Variants in MRTFA observed in about 807,000 individuals in gnomAD.
The protein encoded by MRTFA is myocardin related transcription factor A.
A neutral mutation model predicts 83.5 loss-of-function variants in MRTFA; 20 were observed. The ratio of observed to expected loss-of-function variants is 0.24; its 90% CI spans 0.17 to 0.35. The LOEUF (loss-of-function observed/expected upper bound fraction) is 0.35. MRTFA is among the 10% of genes least tolerant of loss of function. The pLI is 1.00. For synonymous variants in MRTFA, 659 were observed against 541.2 expected, an observed-to-expected ratio of 1.22 and a Z score of -3.02; for missense variants, 1,200 against 1,224.7, an observed-to-expected ratio of 0.98 and a Z score of 0.30.
chr22:40,494,067 A>T (rs1005690851), intron 3 of MRTFA, among the ~76,000 whole-genome samples: 1 of 152,102 alleles, frequency 6.6e-6, no homozygotes, highest in African/African-American at 2.4e-5. Flanking sequence ...AAGATCTTAG[A>T]TTTCTGTGTG....
In MRTFA at chr22:40,416,999, G is replaced by A. The variant is rs1183543996; in HGVS notation, c.2565C>T (p.Leu855=). Residue 855 remains leucine (L), a synonymous_variant, in exon 14 of 15, where the codon CTC becomes CTT. Transcript: ENST00000355630. This position sits in a 1 kb window ranked among gnomAD's most constrained non-coding sequence, Gnocchi z 4.2. The stretch of plus-strand genomic sequence containing the variant: ...ACCTGGGGTTACCTCCGCTCTGAAT[G>A]AGAATGTCAAACAGGTCGTCCATCT... 2.3e-5 allele frequency: 36 copies of A among 1,598,436 alleles called. No homozygotes were observed. Among genetic ancestry groups the A allele is most frequent in the Non-Finnish European group, 3.0e-5 (35 of 1,172,682 alleles).
chr22:40,420,816 CA>C (rs1481879191), intron 10 of MRTFA, 30 bp downstream of exon 10: 36 of 1,610,498 alleles, frequency 2.2e-5, no homozygotes, highest in Non-Finnish European at 2.8e-5. Flanking sequence ...TCGGGGAGGG[CA>C]GGGGCAGGCA....
At chr22:40,633,419 C>G (rs776841942) in intron 1 of MRTFA, among the ~76,000 whole-genome samples, 2 of 152,186 alleles carry the variant, frequency 1.3e-5, no homozygotes, top group Non-Finnish European at 2.9e-5. Context: ...ATACAACGAT[C>G]TTTGTTAATA....
At chr22:40,508,604 T>C (rs2054618777) in intron 3 of MRTFA, among the ~76,000 whole-genome samples, 2 of 152,048 alleles carry the variant, frequency 1.3e-5, no homozygotes, top group African/African-American at 2.4e-5. Context: ...ACTGAAATCT[T>C]TGGCCTCACA....
intron 4 of MRTFA, among the ~76,000 whole-genome samples, chr22:40,452,721 G>A (rs1290421663): frequency 1.3e-5 from 2 of 148,972 alleles, no homozygotes; most frequent in African/African-American, 5.0e-5. Flanking sequence ...CGAGGCAATT[G>A]CTTGAACCCA....
chr22:40,510,609 C>A (rs1262456575), intron 3 of MRTFA, among the ~76,000 whole-genome samples: 1 of 152,044 alleles, frequency 6.6e-6, no homozygotes, highest in Non-Finnish European at 1.5e-5. Context: ...TTATTATGTA[C>A]CTGCTATGTG....
intron 2 of MRTFA, among the ~76,000 whole-genome samples, chr22:40,555,270 T>G (rs2055503379): frequency 6.6e-6 from 1 of 152,216 alleles, no homozygotes; most frequent in Non-Finnish European, 1.5e-5. Context: ...ACTCTGATAT[T>G]TGTCCCACCC....
At chr22:40,520,655 C>T (rs2054850026) in intron 3 of MRTFA, among the ~76,000 whole-genome samples, 1 of 152,186 alleles carries the variant, frequency 6.6e-6, no homozygotes, top group Non-Finnish European at 1.5e-5. Flanking sequence ...GATCCACCTG[C>T]CTTGGCCTCC....
At chr22:40,592,055 C>T (rs1218834769) in intron 2 of MRTFA, among the ~76,000 whole-genome samples, 1 of 152,074 alleles carries the variant, frequency 6.6e-6, no homozygotes, top group Non-Finnish European at 1.5e-5. Flanking sequence ...GACTGAAAGA[C>T]ATAGAGATGG....
intron 3 of MRTFA, among the ~76,000 whole-genome samples, chr22:40,495,130 T>C (rs1413414977): frequency 3.3e-5 from 5 of 151,902 alleles, no homozygotes; most frequent in Admixed American, 1.3e-4. Flanking sequence ...TCCCAGCACT[T>C]TGGGAGGCTG....
intron 4 of MRTFA, among the ~76,000 whole-genome samples, chr22:40,450,403 T>C (rs2053465317): frequency 6.6e-6 from 1 of 152,150 alleles, no homozygotes; most frequent in South Asian, 2.1e-4. Context: ...TCTCACCAAC[T>C]ATGGATCCTG....
intron 1 of MRTFA, among the ~76,000 whole-genome samples, chr22:40,611,073 G>T (rs1013763531): frequency 1.3e-5 from 2 of 151,944 alleles, no homozygotes; most frequent in Admixed American, 6.6e-5. Context: ...ATGTAGCTGG[G>T]ATTACACGCG....
Position 40,466,952 on chromosome 22 carries a change from G to A in MRTFA, c.242-3666C>T, listed in dbSNP as rs1375889622. On this transcript the variant is annotated intron_variant, in intron 3 of 14. Coordinates refer to ENST00000355630, the MANE Select transcript of MRTFA (RefSeq NM_020831.6). Reference sequence around the variant, plus strand: ...TATATACATACACATATACACAACCGTGTATATATTATGCATGTATATATA... The same window carrying A: ...TATATACATACACATATACACAACCATGTATATATTATGCATGTATATATA... 3.6e-5 allele frequency among the ~76,000 whole-genome samples: 5 copies of A among 140,036 alleles called. No individual in the cohort carries two copies. In the East Asian group the frequency reaches 8.1e-4, roughly 23 times the overall value. 91.9% of individuals were successfully genotyped at this position (140,036 alleles called of 152,430 possible).
chr22:40,622,183 T>C (rs1331169859), intron 1 of MRTFA, among the ~76,000 whole-genome samples: 1 of 152,164 alleles, frequency 6.6e-6, no homozygotes, highest in Non-Finnish European at 1.5e-5. Flanking sequence ...CAGGCATGAT[T>C]AAATTAAGAA....
In MRTFA at chr22:40,418,958, G is replaced by A. The variant is rs773626198; in HGVS notation, c.1780C>T (p.Leu594=). The change falls in exon 12 of 15, where the codon CTG becomes TTG. Residue 594 remains leucine (L), a synonymous_variant. Coordinates refer to ENST00000355630, the MANE Select transcript of MRTFA (RefSeq NM_020831.6). ...CCCTCCTCCTTCACGAGGATCTGCA[G>A]TGGCGAGGCCTGCAGGGTCAGCTGC... 3 of 1,612,906 alleles carry A rather than the reference G, an allele frequency of 1.9e-6. No homozygotes were observed. The highest frequency in any genetic ancestry group is 1.6e-4 in the Middle Eastern group (1 of 6,062).
chr22:40,441,792 GA>G (rs376809574), intron 4 of MRTFA, among the ~76,000 whole-genome samples: 7 of 151,142 alleles, frequency 4.6e-5, no homozygotes, highest in East Asian at 3.9e-4. Context: ...ATCTCGGGGG[GA>G]AAAAATATAT....
intron 1 of MRTFA, among the ~76,000 whole-genome samples, chr22:40,600,291 C>G (rs1032250372): frequency 6.6e-6 from 1 of 152,124 alleles, no homozygotes; most frequent in Non-Finnish European, 1.5e-5. Context: ...ATGACTAAAG[C>G]GATCCAAGAG....
At chr22:40,498,273 ATTTTTTTTTTTTTT>A (rs1189933906) in intron 3 of MRTFA, among the ~76,000 whole-genome samples, 12 of 40,968 alleles carry the variant, frequency 2.9e-4, no homozygotes, top group South Asian at 2.2e-3. Context: ...ATATATATAT[ATTTTTTTTTTTTTT>A]TTTTTTTTTT....
At chr22:40,563,639 G>C (rs2055662219) in intron 2 of MRTFA, among the ~76,000 whole-genome samples, 1 of 152,104 alleles carries the variant, frequency 6.6e-6, no homozygotes, top group South Asian at 2.1e-4. Context: ...AAGCGGGGAG[G>C]ATCCCTTGAG....
Sources: gnomAD v4.1 joint callset for allele counts (sites outside exome capture counted in the v4.1 genomes callset) on GRCh38, gnomAD v4.1.1 for gene constraint, Gnocchi (gnomAD v3.1) non-coding constraint, MANE v1.5 for transcripts, NCBI Gene and HGNC (gene_info 2026-07-23, HGNC 2026-07-21) for gene names.